ADAM32: variants seen among roughly 807,000 people sequenced by gnomAD.
ADAM32 encodes the protein ADAM metallopeptidase domain 32.
Under a neutral mutation model 114.9 loss-of-function variants are expected in ADAM32, and 89 were observed. The ratio of observed to expected loss-of-function variants is 0.77; its 90% CI spans 0.65 to 0.92. The LOEUF is 0.92. Among genes scored for constraint, ADAM32 ranks in the 40% least tolerant of loss-of-function variants. ADAM32 has a pLI of 0.00. For synonymous variants in ADAM32, 285 were observed against 307.5 expected, an observed-to-expected ratio of 0.93 and a Z score of 0.77; for missense variants, 870 against 932.8, an observed-to-expected ratio of 0.93 and a Z score of 0.88.
At chr8:39,225,885 T>C (rs1328252715) in intron 14 of ADAM32, among the ~76,000 whole-genome samples, 1 of 151,794 alleles carries the variant, frequency 6.6e-6, no homozygotes, top group Non-Finnish European at 1.5e-5. Context: ...ATAAGAAACA[T>C]GAAAAACTGG....
At chr8:39,221,524 C>A in intron 12 of ADAM32, 86 bp from the exon 13 acceptor site, 1 of 1,031,730 alleles carries the variant, frequency 9.7e-7, no homozygotes, top group Non-Finnish European at 1.5e-6. Flanking sequence ...CAAATTCAAA[C>A]AGTAAGCCCA....
intron 12 of ADAM32, among the ~76,000 whole-genome samples, chr8:39,214,366 G>T (rs1215376653): frequency 6.6e-6 from 1 of 151,988 alleles, no homozygotes; most frequent in Admixed American, 6.5e-5. Context: ...CCTGCCTTTT[G>T]AATAAAAGCC....
At chr8:39,240,818 A>G (rs1181718294) in intron 16 of ADAM32, among the ~76,000 whole-genome samples, 1 of 152,196 alleles carries the variant, frequency 6.6e-6, no homozygotes, top group African/African-American at 2.4e-5. Flanking sequence ...TTGGGTGGGG[A>G]CAGAGCCTAA....
intron 2 of ADAM32, among the ~76,000 whole-genome samples, chr8:39,131,861 T>C (rs1173939555): frequency 2.0e-5 from 3 of 152,188 alleles, no homozygotes; most frequent in Non-Finnish European, 4.4e-5. Flanking sequence ...ATCTAAGGTG[T>C]TTCCCTTGTA....
intron 3 of ADAM32, among the ~76,000 whole-genome samples, chr8:39,141,254 C>A (rs1042570907): frequency 6.6e-6 from 1 of 152,110 alleles, no homozygotes; most frequent in African/African-American, 2.4e-5. Context: ...TTTGTTCTTG[C>A]TTCTCTAGTT....
At chr8:39,150,324 TTTATC>T (rs1449298577) in intron 5 of ADAM32, among the ~76,000 whole-genome samples, 1 of 152,110 alleles carries the variant, frequency 6.6e-6, no homozygotes, top group Non-Finnish European at 1.5e-5. Flanking sequence ...AGGGTAATCT[TTTATC>T]TTCTCAGAGT....
At chr8:39,168,853 T>C (rs1319560762) in intron 9 of ADAM32, 2 of 152,058 alleles carry the variant, frequency 1.3e-5, no homozygotes, top group African/African-American at 4.8e-5. Flanking sequence ...AGGTAAAAAA[T>C]ATATTACTGA....
At chr8:39,207,114 T>A (rs571132126) in intron 11 of ADAM32, among the ~76,000 whole-genome samples, 10 of 152,170 alleles carry the variant, frequency 6.6e-5, no homozygotes, top group Admixed American at 2.0e-4. Context: ...GCAGTGAGGA[T>A]TTGCTTCTGG....
At chr8:39,261,505 T>C (rs1414302043) in intron 19 of ADAM32, among the ~76,000 whole-genome samples, 1 of 152,226 alleles carries the variant, frequency 6.6e-6, no homozygotes, top group Non-Finnish European at 1.5e-5. Flanking sequence ...TAAATAGTGC[T>C]GCAGTAGACA....
chr8:39,116,955 C>T (rs890408000), intron 1 of ADAM32, among the ~76,000 whole-genome samples: 4 of 151,992 alleles, frequency 2.6e-5, no homozygotes, highest in Non-Finnish European at 5.9e-5. Context: ...GTGATCTTGG[C>T]TCACTGTAAT....
intron 17 of ADAM32, among the ~76,000 whole-genome samples, chr8:39,246,560 C>T (rs1324093568): frequency 1.3e-5 from 2 of 152,150 alleles, no homozygotes; most frequent in Non-Finnish European, 2.9e-5. Flanking sequence ...AGAGGAGCTT[C>T]AGGTTCACAG....
At chr8:39,231,065 C>A (rs1271040257) in intron 14 of ADAM32, among the ~76,000 whole-genome samples, 1 of 152,020 alleles carries the variant, frequency 6.6e-6, no homozygotes, top group Non-Finnish European at 1.5e-5. Context: ...GAATATCAAT[C>A]CTGTGATTAG....
chr8:39,122,237 A>T (rs574447557), intron 2 of ADAM32, among the ~76,000 whole-genome samples: 2 of 152,200 alleles, frequency 1.3e-5, no homozygotes, highest in Non-Finnish European at 2.9e-5. Context: ...TGGGGGGCGC[A>T]CCATAGGGAA....
chr8:39,228,305 G>A (rs867468825), intron 14 of ADAM32, among the ~76,000 whole-genome samples: 2 of 152,150 alleles, frequency 1.3e-5, no homozygotes, highest in African/African-American at 2.4e-5. Flanking sequence ...ACTAGTTCAC[G>A]AGCAATGGAT....
At chr8:39,237,315 A>G (rs1009404487) in intron 16 of ADAM32, among the ~76,000 whole-genome samples, 17 of 152,192 alleles carry the variant, frequency 1.1e-4, no homozygotes, top group African/African-American at 4.1e-4. Context: ...GGAGACTTCC[A>G]GCTCAACCTT....
At chr8:39,210,308 T>A (rs934149639) in intron 11 of ADAM32, among the ~76,000 whole-genome samples, 3 of 152,186 alleles carry the variant, frequency 2.0e-5, no homozygotes. Flanking sequence ...GACGGGATGG[T>A]GTAGGCAACG....
intron 19 of ADAM32, among the ~76,000 whole-genome samples, chr8:39,261,546 GTTTCC>G (rs1812028943): frequency 6.6e-6 from 1 of 152,122 alleles, no homozygotes. Flanking sequence ...CGATACAATG[GTTTCC>G]TTTCCTTTGG....
chr8:39,169,419 G>A (rs555732872), intron 9 of ADAM32: 1 of 152,446 alleles, frequency 6.6e-6, no homozygotes, highest in South Asian at 2.1e-4. Context: ...ATTAGTTAAT[G>A]TAAAGTTCTG....
At chr8:39,240,464 C>A (rs192746556) in intron 16 of ADAM32, among the ~76,000 whole-genome samples, 1 of 152,136 alleles carries the variant, frequency 6.6e-6, no homozygotes, top group African/African-American at 2.4e-5. Flanking sequence ...ATGCCTACAT[C>A]GAAAAGTCTG....
Sources: allele counts gnomAD v4.1 joint callset (sites outside exome capture counted in the v4.1 genomes callset), GRCh38; gene constraint gnomAD v4.1.1; transcripts MANE v1.5; gene names NCBI Gene and HGNC (gene_info 2026-07-23, HGNC 2026-07-21).